TPST1: variants seen among roughly 807,000 people sequenced by gnomAD.
TPST1 encodes protein-tyrosine sulfotransferase 1.
TPST1 carries 20 observed loss-of-function variants against 34.8 expected under a neutral mutation model. The observed-to-expected ratio is 0.57, with a 90% CI of 0.40 to 0.84. The LOEUF is 0.84. Among genes scored for constraint, TPST1 ranks in the 40% least tolerant of loss-of-function variants. TPST1 has a pLI of 0.00. For missense variants in TPST1, 353 were observed against 455.5 expected, an observed-to-expected ratio of 0.78 and a Z score of 2.05; for synonymous variants, 152 against 159.4, an observed-to-expected ratio of 0.95 and a Z score of 0.35.
At chr7:66,200,420 CTTT>C (rs35086138), upstream of TPST1, among the ~76,000 whole-genome samples, 3 of 136,542 alleles carry the variant, frequency 2.2e-5, no homozygotes, top group Admixed American at 7.5e-5. Context: ...GTGAAGTTAT[CTTT>C]TTTTTTTTTT....
At chr7:66,239,048 T>C (rs772888254) in intron 1 of TPST1, among the ~76,000 whole-genome samples, 29 of 152,240 alleles carry the variant, frequency 1.9e-4, no homozygotes, top group Non-Finnish European at 3.1e-4. Flanking sequence ...TTGCAGCCTA[T>C]ACACTAGCTT....
chr7:66,252,121 G>T (rs1417314086), intron 2 of TPST1, among the ~76,000 whole-genome samples: 1 of 151,688 alleles, frequency 6.6e-6, no homozygotes, highest in Non-Finnish European at 1.5e-5. Context: ...GCAGTGGTGC[G>T]ATCTCGGCTC....
At chr7:66,285,647 G>A (rs1384147363) in intron 2 of TPST1, among the ~76,000 whole-genome samples, 1 of 152,146 alleles carries the variant, frequency 6.6e-6, no homozygotes, top group Non-Finnish European at 1.5e-5. Flanking sequence ...AACTTTTTAT[G>A]TATTACGATA....
intron 2 of TPST1, among the ~76,000 whole-genome samples, chr7:66,245,078 CA>C (rs1222916310): frequency 6.6e-6 from 1 of 152,112 alleles, no homozygotes; most frequent in Non-Finnish European, 1.5e-5. Context: ...GAAATGGAGA[CA>C]TTTTTGAGGA....
intron 3 of TPST1, among the ~76,000 whole-genome samples, chr7:66,351,830 G>A (rs1421776281): frequency 6.6e-6 from 1 of 151,940 alleles, no homozygotes; most frequent in African/African-American, 2.4e-5. Context: ...CTGTGTTAAG[G>A]TTTTATATAT....
Position 66,279,411 on chromosome 7 carries a change from A to G in TPST1, c.846-7100A>G, listed in dbSNP as rs1045138287. ...AACATACAGTTACATGTGTCTTTATAGTAGAACGATTTATATTCCTGTGGG... is the reference window on the plus strand; with the variant it reads ...AACATACAGTTACATGTGTCTTTATGGTAGAACGATTTATATTCCTGTGGG... On this transcript the variant is annotated intron_variant, in intron 2 of 5. Coordinates refer to ENST00000304842, the MANE Select transcript of TPST1 (RefSeq NM_003596.4). 6.6e-5 allele frequency among the ~76,000 whole-genome samples: 10 copies of G among 152,278 alleles called. No homozygotes were observed. In the South Asian group the frequency reaches 1.5e-3, roughly 22 times the overall value.
intron 2 of TPST1, among the ~76,000 whole-genome samples, chr7:66,272,657 C>T (rs765867733): frequency 3.0e-4 from 46 of 151,254 alleles, no homozygotes; most frequent in Non-Finnish European, 5.0e-4. Context: ...AGTGCAATCA[C>T]AGCTCACTGC....
chr7:66,215,992 G>C lies in TPST1; in HGVS notation c.-102+10470G>C, dbSNP rs568873151. Among the ~76,000 whole-genome samples the C allele has an allele frequency of 1.9e-3, 283 of 149,572 alleles. 2 individuals carry two copies. The highest frequency in any genetic ancestry group is 6.1e-3 in the African/African-American group (250 of 40,714). ...TTCACCGTGTTAGCCAGGATGGTCTGGATCTCCTGACCTTGTGATCCGCCC... is the reference window on the plus strand; with the variant it reads ...TTCACCGTGTTAGCCAGGATGGTCTCGATCTCCTGACCTTGTGATCCGCCC... On this transcript the variant is annotated intron_variant, in intron 1 of 5. Coordinates refer to ENST00000304842, the MANE Select transcript of TPST1 (RefSeq NM_003596.4).
chr7:66,331,673 A>G (rs1177457018), intron 3 of TPST1, among the ~76,000 whole-genome samples: 4 of 152,228 alleles, frequency 2.6e-5, no homozygotes, highest in African/African-American at 9.6e-5. Context: ...TGTAGGGTAT[A>G]GAACTGTTCA....
At chr7:66,296,369 GAC>G (rs1221643494) in intron 3 of TPST1, among the ~76,000 whole-genome samples, 1 of 150,946 alleles carries the variant, frequency 6.6e-6, no homozygotes, top group African/African-American at 2.4e-5. Flanking sequence ...CATACAAACT[GAC>G]AGTCTTGTCT....
chr7:66,307,750 C>T (rs1210164690), intron 3 of TPST1, among the ~76,000 whole-genome samples: 2 of 152,194 alleles, frequency 1.3e-5, no homozygotes, highest in African/African-American at 4.8e-5. Flanking sequence ...TCACTGAGCA[C>T]ATGCATGACC....
intron 1 of TPST1, among the ~76,000 whole-genome samples, chr7:66,211,103 A>G (rs1313914611): frequency 1.3e-5 from 2 of 151,988 alleles, no homozygotes; most frequent in African/African-American, 2.4e-5. Context: ...TATTTAAATT[A>G]TATCTGCTGG....
intron 3 of TPST1, among the ~76,000 whole-genome samples, chr7:66,350,315 G>A (rs770039492): frequency 4.6e-5 from 7 of 152,030 alleles, no homozygotes; most frequent in East Asian, 1.9e-4. Context: ...GCGCCCAGCC[G>A]AACAAATGAT....
chr7:66,231,890 G>T (rs545486234), intron 1 of TPST1, among the ~76,000 whole-genome samples: 1 of 152,358 alleles, frequency 6.6e-6, no homozygotes, highest in Non-Finnish European at 1.5e-5. Flanking sequence ...CTGCCAGCAC[G>T]CTGTCATCTC....
intron 3 of TPST1, among the ~76,000 whole-genome samples, chr7:66,347,711 T>C: frequency 6.6e-6 from 1 of 152,192 alleles, no homozygotes; most frequent in East Asian, 1.9e-4. Flanking sequence ...TATTTCTGAG[T>C]AGAAGAATTT....
At chr7:66,231,484 G>A (rs554504695) in intron 1 of TPST1, among the ~76,000 whole-genome samples, 11 of 152,374 alleles carry the variant, frequency 7.2e-5, no homozygotes, top group Non-Finnish European at 1.6e-4. Flanking sequence ...ATGGCGGGCT[G>A]CAGGTCCTGA....
intron 3 of TPST1, among the ~76,000 whole-genome samples, chr7:66,324,800 C>CAAAAAAAAAAAAAAAA (rs56389964): frequency 5.5e-5 from 6 of 109,270 alleles, no homozygotes; most frequent in South Asian, 3.2e-4. Flanking sequence ...GACTCTGTCT[C>CAAAAAAAAAAAAAAAA]AAAAAAAAAA....
At chr7:66,204,405 G>A (rs1789078256), upstream of TPST1, among the ~76,000 whole-genome samples, 1 of 152,164 alleles carries the variant, frequency 6.6e-6, no homozygotes, top group South Asian at 2.1e-4. Context: ...TAGCAGGGAC[G>A]GGGTTTCACT....
intron 1 of TPST1, among the ~76,000 whole-genome samples, chr7:66,211,049 C>T (rs1475335468): frequency 1.0e-5 from 1 of 97,638 alleles, no homozygotes; most frequent in Non-Finnish European, 2.2e-5. Context: ...TTCTTGCTTT[C>T]CTGGTACTGT....
Sources: gnomAD v4.1 joint callset for allele counts (sites outside exome capture counted in the v4.1 genomes callset) on GRCh38, gnomAD v4.1.1 for gene constraint, MANE v1.5 for transcripts, NCBI Gene and HGNC (gene_info 2026-07-23, HGNC 2026-07-21) for gene names.